The following FHOD3 variants were observed in gnomAD, a reference collection of about 807,000 sequenced individuals.
FHOD3 encodes the protein FH1/FH2 domain-containing protein 3.
FHOD3 carries 90 observed loss-of-function variants against 173.0 expected under a neutral mutation model. The ratio of observed to expected loss-of-function variants is 0.52; its 90% CI spans 0.44 to 0.62. FHOD3 has a LOEUF of 0.62. Among genes scored for constraint, FHOD3 ranks in the 20% least tolerant of loss-of-function variants. FHOD3 has a pLI of 0.00. For missense variants in FHOD3, 1,945 were observed against 2,034.7 expected (o/e 0.96, Z 0.85); for synonymous variants, 828 against 823.0 (o/e 1.01, Z -0.10).
intron 10 of FHOD3, among the ~76,000 whole-genome samples, chr18:36,632,997 T>C (rs553416686): frequency 6.6e-6 from 1 of 152,292 alleles, no homozygotes; most frequent in Admixed American, 6.5e-5. Flanking sequence ...TTTTATACAT[T>C]GATGTGGTTC....
chr18:36,427,459 T>G (rs1238286171), intron 3 of FHOD3, among the ~76,000 whole-genome samples: 1 of 152,202 alleles, frequency 6.6e-6, no homozygotes, highest in Non-Finnish European at 1.5e-5. Flanking sequence ...AACATAGCAG[T>G]GTTCATCCCT....
At chr18:36,555,396 A>C (rs2057836145) in intron 5 of FHOD3, among the ~76,000 whole-genome samples, 1 of 151,504 alleles carries the variant, frequency 6.6e-6, no homozygotes, top group African/African-American at 2.4e-5. Flanking sequence ...TAAAAAAAAA[A>C]ACAAAAAACA....
At chr18:36,746,336 G>C (rs182860283) in intron 23 of FHOD3, among the ~76,000 whole-genome samples, 7 of 152,212 alleles carry the variant, frequency 4.6e-5, no homozygotes, top group African/African-American at 1.4e-4. Flanking sequence ...GCCTCCTTGA[G>C]AACAGGAAGT....
chr18:36,386,287 C>T (rs943266592), intron 3 of FHOD3, among the ~76,000 whole-genome samples: 3 of 152,108 alleles, frequency 2.0e-5, no homozygotes, highest in African/African-American at 7.2e-5. Flanking sequence ...TGATGGGTGG[C>T]TCAGGGCATC....
Position 36,718,360 on chromosome 18 carries a change from C to CCCCGG in FHOD3, c.3062_3063insCCCGG (p.Pro1023AspfsTer47). ...CTGGGTCACAGGGAGGCCCCTGGGC[C>CCCCGG]ACCTCCCCCACCCCCACCCACCTTT... is the stretch of plus-strand genomic sequence containing the variant. On this transcript the variant is annotated frameshift_variant, in exon 19 of 29. Transcript: ENST00000590592. LOFTEE classifies it high-confidence loss of function. 1 of 1,602,278 alleles carries CCCCGG rather than the reference C, an allele frequency of 6.2e-7. No homozygotes were observed. The highest frequency in any genetic ancestry group is 8.5e-7 in the Non-Finnish European group (1 of 1,174,436).
At chr18:36,455,355 T>C (rs1438740510) in intron 3 of FHOD3, among the ~76,000 whole-genome samples, 1 of 152,222 alleles carries the variant, frequency 6.6e-6, no homozygotes, top group African/African-American at 2.4e-5. Flanking sequence ...AATAAAATAG[T>C]TAAATGTGTT....
intron 5 of FHOD3, among the ~76,000 whole-genome samples, chr18:36,575,520 A>G (rs2058617175): frequency 6.6e-6 from 1 of 152,234 alleles, no homozygotes; most frequent in Non-Finnish European, 1.5e-5. Flanking sequence ...GGGAACATGA[A>G]TTATTTTCAC....
At chr18:36,383,092 G>A (rs2047871740) in intron 3 of FHOD3, among the ~76,000 whole-genome samples, 1 of 152,188 alleles carries the variant, frequency 6.6e-6, no homozygotes, top group Non-Finnish European at 1.5e-5. Flanking sequence ...CTGTGCAGGC[G>A]GCTGTTTCCA....
intron 16 of FHOD3, among the ~76,000 whole-genome samples, chr18:36,691,857 C>A (rs1241062415): frequency 6.6e-6 from 1 of 152,244 alleles, no homozygotes. Flanking sequence ...AGGGAAAGAA[C>A]AGAGGATGGT....
Position 36,653,373 on chromosome 18 carries a change from T to A in FHOD3, c.1678T>A (p.Ser560Thr), listed in dbSNP as rs1249491474. 53 of 1,535,196 alleles carry A rather than the reference T, an allele frequency of 3.5e-5. No individual in the cohort carries two copies. The highest frequency in any genetic ancestry group is 4.5e-5 in the Non-Finnish European group (52 of 1,146,642). Residue 560 changes from serine to threonine, a missense_variant, in exon 13 of 29, where the codon TCT (serine) becomes ACT (threonine). Transcript: ENST00000590592. ...TGATTCTTTCTCTTTGAGCACATAT[T>A]CTGCCTCTGAGCCTTACCACTTCCG... The part of the protein sequence containing the change: ...SSDSFSLSTY[S>T]ASEPYHFRSF...
At chr18:36,592,819 T>C (rs966727258) in intron 6 of FHOD3, among the ~76,000 whole-genome samples, 11 of 151,944 alleles carry the variant, frequency 7.2e-5, no homozygotes, top group African/African-American at 2.7e-4. Flanking sequence ...TGAATGAAAA[T>C]TGAGAGTTCT....
intron 1 of FHOD3, among the ~76,000 whole-genome samples, chr18:36,301,214 A>G (rs2091950420): frequency 6.6e-6 from 1 of 152,212 alleles, no homozygotes; most frequent in African/African-American, 2.4e-5. Flanking sequence ...TGTGCTGGCA[A>G]CCTTTGAACT....
intron 5 of FHOD3, among the ~76,000 whole-genome samples, chr18:36,529,022 C>G (rs1001621914): frequency 3.3e-5 from 5 of 152,356 alleles, no homozygotes; most frequent in African/African-American, 1.2e-4. Flanking sequence ...GCAGATATCA[C>G]TATCATTTGC....
intron 5 of FHOD3, among the ~76,000 whole-genome samples, chr18:36,545,952 C>A (rs768451957): frequency 1.6e-4 from 25 of 152,232 alleles, no homozygotes; most frequent in Non-Finnish European, 2.4e-4. Flanking sequence ...TAAGGAGTTA[C>A]CTTGGAAACT....
intron 5 of FHOD3, among the ~76,000 whole-genome samples, chr18:36,540,833 C>T (rs1009794276): frequency 1.3e-5 from 2 of 152,216 alleles, no homozygotes; most frequent in Non-Finnish European, 2.9e-5. Flanking sequence ...CCCATTCATA[C>T]TTACATTAGT....
intron 1 of FHOD3, among the ~76,000 whole-genome samples, chr18:36,339,129 G>A (rs527609901): frequency 3.5e-4 from 54 of 152,204 alleles, no homozygotes; most frequent in African/African-American, 1.1e-3. Flanking sequence ...GCCATGTCCC[G>A]GGCCCCACCT....
chr18:36,644,875 T>C (rs1334111482), intron 10 of FHOD3, among the ~76,000 whole-genome samples: 2 of 152,154 alleles, frequency 1.3e-5, no homozygotes, highest in African/African-American at 4.8e-5. Context: ...CCTCTCCAGC[T>C]CTACCTGGGA....
intron 27 of FHOD3, 130 bp downstream of exon 27, chr18:36,760,912 A>T: frequency 1.1e-6 from 1 of 884,640 alleles, no homozygotes; most frequent in Non-Finnish European, 1.6e-6. Flanking sequence ...CTAACCACAC[A>T]CATTCCCTCA....
At chr18:36,613,282 G>A (rs2032876917) in intron 9 of FHOD3, among the ~76,000 whole-genome samples, 1 of 152,222 alleles carries the variant, frequency 6.6e-6, no homozygotes, top group Non-Finnish European at 1.5e-5. Flanking sequence ...AACAGCACAG[G>A]TCACTCACCC....
Sources: gnomAD v4.1 joint callset for allele counts (sites outside exome capture counted in the v4.1 genomes callset) on GRCh38, gnomAD v4.1.1 for gene constraint, MANE v1.5 for transcripts, NCBI Gene and HGNC (gene_info 2026-07-23, HGNC 2026-07-21) for gene names.